KIAA0319L: variants seen among roughly 807,000 people sequenced by gnomAD.
The protein encoded by KIAA0319L is dyslexia-associated protein KIAA0319-like protein.
KIAA0319L carries 55 observed loss-of-function variants against 120.1 expected under a neutral mutation model. The ratio of observed to expected loss-of-function variants is 0.46; its 90% CI spans 0.37 to 0.57. KIAA0319L has a LOEUF of 0.57. Among genes scored for constraint, KIAA0319L ranks in the 20% least tolerant of loss-of-function variants. KIAA0319L has a pLI of 0.00. For missense variants in KIAA0319L, 1,049 were observed against 1,255.3 expected (o/e 0.84, Z 2.48); for synonymous variants, 398 against 471.9 (o/e 0.84, Z 2.03).
chr1:35,481,543 T>G (rs1281927215), intron 3 of KIAA0319L, among the ~76,000 whole-genome samples: 1 of 152,192 alleles, frequency 6.6e-6, no homozygotes, highest in Non-Finnish European at 1.5e-5. Flanking sequence ...CATATTTTCC[T>G]GTGCTTATTG....
chr1:35,556,312 A>G (rs1648027865), intron 1 of KIAA0319L, among the ~76,000 whole-genome samples: 2 of 152,244 alleles, frequency 1.3e-5, no homozygotes, highest in African/African-American at 2.4e-5. Flanking sequence ...TGTCAACTAC[A>G]TACGTGGAAC....
At chr1:35,454,024 G>A (rs955088873) in intron 11 of KIAA0319L, among the ~76,000 whole-genome samples, 9 of 152,182 alleles carry the variant, frequency 5.9e-5, no homozygotes, top group African/African-American at 1.7e-4. Flanking sequence ...CTTCAAGGAC[G>A]TGGTATTGGG....
chr1:35,528,949 G>A (rs764594858), intron 2 of KIAA0319L, among the ~76,000 whole-genome samples: 4 of 152,120 alleles, frequency 2.6e-5, no homozygotes, highest in Non-Finnish European at 4.4e-5. Flanking sequence ...CCATTTGCAC[G>A]GAGTATTTTT....
rs765000757 is a variant in KIAA0319L at position 35,444,168 on chromosome 1, G to T, written c.2649C>A (p.Asn883Lys). Residue 883 changes from asparagine (N) to lysine (K), a missense_variant, in exon 17 of 21, where the codon AAC becomes AAA. By Grantham distance (94) the Asn-to-Lys change is moderately conservative (BLOSUM62 0). Coordinates refer to ENST00000325722, the MANE Select transcript of KIAA0319L (RefSeq NM_024874.5). ...ATTCCCAGAATTACTCACTGACAGT[G>T]TTGACTTCCAAGGCTCTGAATATCA... ...DFLIFRALEV[N>K]TVTCQLNCSD... The T allele has an allele frequency of 6.3e-7, 1 of 1,597,458 alleles. No individual in the cohort carries two copies. Among genetic ancestry groups the T allele is most frequent in the Non-Finnish European group, 8.5e-7 (1 of 1,172,852 alleles).
In KIAA0319L at chr1:35,513,288, A is replaced by ATTT. The variant is rs67198806; in HGVS notation, c.143-6156_143-6154dup. Among the ~76,000 whole-genome samples, 151 of 85,298 alleles carry ATTT rather than the reference A, an allele frequency of 1.8e-3. 1 individual carries two copies. The highest frequency in any genetic ancestry group is 5.6e-3 in the African/African-American group (132 of 23,486). The allele number at this position is 85,298 out of a possible 152,430, so 56.0% of individuals were successfully genotyped here. On this transcript the variant is annotated intron_variant, in intron 2 of 20. Transcript: ENST00000325722. Reference sequence around the variant, plus strand: ...ATAACATATATATATATATATATATATTTTTTTTTTTTTTTTTTTCTGTCC... The same window carrying ATTT: ...ATAACATATATATATATATATATATATTTTTTTTTTTTTTTTTTTTTTCTGTCC...
intron 2 of KIAA0319L, among the ~76,000 whole-genome samples, chr1:35,508,851 A>G (rs1365166638): frequency 6.6e-6 from 1 of 152,132 alleles, no homozygotes; most frequent in Non-Finnish European, 1.5e-5. Flanking sequence ...ACAGATGAAA[A>G]TTATCTGTGC....
At chr1:35,475,385 T>G (rs1320241470) in intron 4 of KIAA0319L, among the ~76,000 whole-genome samples, 2 of 152,220 alleles carry the variant, frequency 1.3e-5, no homozygotes, top group African/African-American at 4.8e-5. Flanking sequence ...ATAAAGTTTC[T>G]AGAAGGGAAG....
intron 3 of KIAA0319L, among the ~76,000 whole-genome samples, chr1:35,487,271 T>A (rs79144351): frequency 6.6e-6 from 1 of 151,156 alleles, no homozygotes; most frequent in Non-Finnish European, 1.5e-5. Context: ...TTTTTTTTTT[T>A]AAGACAGTCT....
intron 3 of KIAA0319L, among the ~76,000 whole-genome samples, chr1:35,486,826 G>A (rs1383626931): frequency 6.6e-6 from 1 of 151,694 alleles, no homozygotes; most frequent in African/African-American, 2.4e-5. Flanking sequence ...TGGCAGGATC[G>A]CTTGAGCCCA....
chr1:35,551,775 A>C (rs939516040), intron 2 of KIAA0319L, among the ~76,000 whole-genome samples: 4 of 152,144 alleles, frequency 2.6e-5, no homozygotes, highest in Non-Finnish European at 4.4e-5. Context: ...TTCCATGATA[A>C]AAGCTCCAAA....
At chr1:35,446,036 T>A (rs1641593285) in intron 16 of KIAA0319L, among the ~76,000 whole-genome samples, 1 of 152,216 alleles carries the variant, frequency 6.6e-6, no homozygotes, top group African/African-American at 2.4e-5. Flanking sequence ...TTATCCCTAA[T>A]CGTGCTATCT....
intron 2 of KIAA0319L, among the ~76,000 whole-genome samples, chr1:35,528,817 C>A (rs1258963765): frequency 6.6e-6 from 1 of 152,126 alleles, no homozygotes; most frequent in Non-Finnish European, 1.5e-5. Context: ...ATTGTTATAT[C>A]CTATTGCTGA....
chr1:35,536,983 A>G (rs1175066811), intron 2 of KIAA0319L, among the ~76,000 whole-genome samples: 1 of 152,182 alleles, frequency 6.6e-6, no homozygotes, highest in African/African-American at 2.4e-5. Flanking sequence ...AAGACTCTGG[A>G]GAATGCTGTC....
chr1:35,502,758 T>C (rs1645055977), intron 3 of KIAA0319L, among the ~76,000 whole-genome samples: 1 of 152,218 alleles, frequency 6.6e-6, no homozygotes, highest in Non-Finnish European at 1.5e-5. Flanking sequence ...GCCAAACTTG[T>C]CTACTTCTGT....
In KIAA0319L at chr1:35,442,323, T is replaced by C; in HGVS notation, c.2793A>G (p.Leu931=). Residue 931 remains leucine (L), a synonymous_variant, in exon 19 of 21, where the codon TTA becomes TTG. Transcript: ENST00000325722. ...TGACAAAGGTAGCAATGATAACATA[T>C]AACACGCTCCACTCTGCCAAGAAAA... ...DGDSNCEWSV[L]YVIIATFVIV... The C allele has an allele frequency of 1.2e-6, 2 of 1,613,394 alleles. No individual in the cohort carries two copies. The highest frequency in any genetic ancestry group is 1.7e-6 in the Non-Finnish European group (2 of 1,179,386).
chr1:35,505,867 A>C (rs1180122073), intron 3 of KIAA0319L, among the ~76,000 whole-genome samples: 1 of 152,238 alleles, frequency 6.6e-6, no homozygotes, highest in Non-Finnish European at 1.5e-5. Context: ...CAGTGCAACA[A>C]TTAGTACACA....
intron 2 of KIAA0319L, among the ~76,000 whole-genome samples, chr1:35,508,859 T>C (rs1242765957): frequency 6.6e-6 from 1 of 152,196 alleles, no homozygotes; most frequent in Non-Finnish European, 1.5e-5. Flanking sequence ...AAATTATCTG[T>C]GCTTTTTTCT....
intron 10 of KIAA0319L, 118 bp from the exon 11 acceptor site, chr1:35,454,603 C>T (rs1039484538): frequency 2.0e-6 from 3 of 1,480,204 alleles, no homozygotes; most frequent in Non-Finnish European, 2.7e-6. Flanking sequence ...TGGTACTGGG[C>T]TATTACGTAC....
At chr1:35,524,748 TGTGA>T (rs907194625) in intron 2 of KIAA0319L, among the ~76,000 whole-genome samples, 3 of 152,250 alleles carry the variant, frequency 2.0e-5, no homozygotes, top group African/African-American at 4.8e-5. Context: ...ATGGGATACC[TGTGA>T]GTATTTGTTA....
Sources: gnomAD v4.1 joint callset for allele counts (sites outside exome capture counted in the v4.1 genomes callset) on GRCh38, gnomAD v4.1.1 for gene constraint, MANE v1.5 for transcripts, NCBI Gene and HGNC (gene_info 2026-07-23, HGNC 2026-07-21) for gene names.